Variants in PCDH7 observed in about 807,000 individuals in gnomAD.
PCDH7 encodes the protein protocadherin 7, also known as protocadherin-7.
PCDH7 carries 17 observed loss-of-function variants against 58.9 expected under a neutral mutation model. The observed-to-expected ratio is 0.29, with a 90% confidence interval of 0.20 to 0.43. The LOEUF (loss-of-function observed/expected upper bound fraction) is 0.43, where lower values mean the gene tolerates loss of function less well. Ranked by LOEUF, PCDH7 falls within the 20% of genes least tolerant of loss-of-function variation. The probability of loss-of-function intolerance (pLI) is 1.00; values close to 1 mark genes in which losing one functional copy is unlikely to be tolerated. For missense variants in PCDH7, 1,274 were observed against 1,441.0 expected (o/e 0.88, Z 1.88); for synonymous variants, 664 against 616.4 (o/e 1.08, Z -1.14).
intron 1 of PCDH7, chr4:30,730,628 G>A (rs1256671692): frequency 6.5e-6 from 4 of 615,596 alleles, no homozygotes; most frequent in Non-Finnish European, 1.1e-5. Context: ...ACACAAAGTT[G>A]GCATTAAAAT....
At chr4:31,127,168 A>G (rs1288230936) in intron 3 of PCDH7, among the ~76,000 whole-genome samples, 1 of 152,152 alleles carries the variant, frequency 6.6e-6, no homozygotes, top group Admixed American at 6.6e-5. Flanking sequence ...TGCTAGTCTC[A>G]CTCACTGTAC....
At chr4:31,004,300 A>G (rs1045557046) in intron 3 of PCDH7, among the ~76,000 whole-genome samples, 5 of 152,204 alleles carry the variant, frequency 3.3e-5, no homozygotes, top group African/African-American at 1.2e-4. Context: ...AAAAAAAGTC[A>G]CAGGAAGAAG....
At chr4:31,126,716 A>G (rs1170365637) in intron 3 of PCDH7, among the ~76,000 whole-genome samples, 2 of 152,228 alleles carry the variant, frequency 1.3e-5, no homozygotes, top group African/African-American at 4.8e-5. Flanking sequence ...AGTTTTGTCC[A>G]TCTGATGATT....
intron 3 of PCDH7, among the ~76,000 whole-genome samples, chr4:30,981,375 C>A (rs758368709): frequency 1.2e-4 from 18 of 152,088 alleles, no homozygotes; most frequent in Non-Finnish European, 2.2e-4. Flanking sequence ...TTGTTGGGAA[C>A]CATATTTCAT....
intron 1 of PCDH7, among the ~76,000 whole-genome samples, chr4:30,810,685 C>T (rs1376726446): frequency 6.6e-6 from 1 of 150,376 alleles, no homozygotes; most frequent in Non-Finnish European, 1.5e-5. Flanking sequence ...AATCTCTGCT[C>T]ACTGCAACCT....
intron 3 of PCDH7, 56 bp from the exon 3 acceptor site, chr4:31,142,417 A>G: frequency 2.3e-6 from 3 of 1,291,698 alleles, no homozygotes; most frequent in Non-Finnish European, 3.1e-6. Context: ...CATATAGATC[A>G]GGGGAGCCTG....
chr4:30,863,252 A>G (rs1734444016), intron 1 of PCDH7, among the ~76,000 whole-genome samples: 1 of 152,066 alleles, frequency 6.6e-6, no homozygotes, highest in Non-Finnish European at 1.5e-5. Context: ...CTGATTATGC[A>G]GTTAGCTATT....
intron 2 of PCDH7, among the ~76,000 whole-genome samples, chr4:30,920,931 G>A (rs556085571): frequency 2.0e-5 from 3 of 151,652 alleles, no homozygotes; most frequent in Non-Finnish European, 2.9e-5. Context: ...TCCTATTCAA[G>A]TATAAGGTTT....
At position 30,721,274 on chromosome 4, in the gene PCDH7, G is replaced by T; in HGVS notation, c.-149G>T. On this transcript the variant is annotated 5_prime_UTR_variant, in exon 1 of 2. Transcript: ENST00000361762. This position sits in a 1 kb window ranked among gnomAD's most constrained non-coding sequence, Gnocchi z 6.7. ...CCATTCCCGGCCAACTCTCCACGCCGCTTTTGCCCCCTCCCTCCCCTCCCT... is the reference window on the plus strand; with the variant it reads ...CCATTCCCGGCCAACTCTCCACGCCTCTTTTGCCCCCTCCCTCCCCTCCCT... The T allele has an allele frequency of 1.4e-6, 1 of 720,406 alleles. No individual in the cohort carries two copies. Among genetic ancestry groups the T allele is most frequent in the Non-Finnish European group, 2.2e-6 (1 of 465,080 alleles). The allele number at this position is 720,406 out of a possible 1,614,324, so 44.6% of individuals were successfully genotyped here. A position where few individuals can be genotyped will look rare whatever the true frequency, so the allele number is the denominator to read the frequency against.
intron 1 of PCDH7, among the ~76,000 whole-genome samples, chr4:30,808,258 C>A (rs903228731): frequency 6.6e-6 from 1 of 152,244 alleles, no homozygotes; most frequent in Admixed American, 6.5e-5. Flanking sequence ...ACTTTCCTAG[C>A]CTAAAATATT....
intron 1 of PCDH7, among the ~76,000 whole-genome samples, chr4:30,804,001 G>A (rs1725863008): frequency 6.6e-6 from 1 of 152,090 alleles, no homozygotes; most frequent in East Asian, 1.9e-4. Flanking sequence ...TTTTATAAGG[G>A]TTCTGATCCT....
chr4:30,961,962 A>G (rs1214600008), intron 3 of PCDH7, among the ~76,000 whole-genome samples: 1 of 151,992 alleles, frequency 6.6e-6, no homozygotes, highest in Non-Finnish European at 1.5e-5. Context: ...AATCTCTCCC[A>G]CTCATCTCTT....
chr4:30,846,638 T>C (rs975785456), intron 1 of PCDH7, among the ~76,000 whole-genome samples: 2 of 152,174 alleles, frequency 1.3e-5, no homozygotes, highest in African/African-American at 4.8e-5. Context: ...GTTCCAATAG[T>C]GCCACCCAAG....
At chr4:30,892,372 TTCTCTAA>T (rs1738733588) in intron 1 of PCDH7, among the ~76,000 whole-genome samples, 1 of 152,020 alleles carries the variant, frequency 6.6e-6, no homozygotes, top group South Asian at 2.1e-4. Context: ...GAGAGATGGA[TTCTCTAA>T]ACTGAATATT....
intron 3 of PCDH7, among the ~76,000 whole-genome samples, chr4:30,951,417 T>C (rs752974197): frequency 1.5e-4 from 23 of 152,144 alleles, no homozygotes; most frequent in Non-Finnish European, 2.6e-4. Flanking sequence ...TCATTGAGTA[T>C]CTTTCATGAT....
chr4:31,020,022 G>A (rs1411609191), intron 3 of PCDH7, among the ~76,000 whole-genome samples: 2 of 152,084 alleles, frequency 1.3e-5, no homozygotes, highest in African/African-American at 4.8e-5. Flanking sequence ...AGAAATAACC[G>A]TGGCCTGGTA....
intron 3 of PCDH7, among the ~76,000 whole-genome samples, chr4:31,036,928 C>T (rs1346057270): frequency 6.6e-6 from 1 of 152,104 alleles, no homozygotes; most frequent in Non-Finnish European, 1.5e-5. Context: ...GGAAACTCCC[C>T]TTTATAAAAC....
chr4:31,059,121 C>T (rs1160504857), intron 3 of PCDH7, among the ~76,000 whole-genome samples: 2 of 151,680 alleles, frequency 1.3e-5, no homozygotes, highest in East Asian at 3.9e-4. Flanking sequence ...GACTTCATAC[C>T]ATTATGTCTT....
Position 30,721,416 on chromosome 4 carries a change from G to C in PCDH7, c.-7G>C. 1 of 1,492,066 alleles carries C rather than the reference G, an allele frequency of 6.7e-7. No individual in the cohort carries two copies. Among genetic ancestry groups the C allele is most frequent in the South Asian group, 1.3e-5 (1 of 74,836 alleles). The allele number at this position is 1,492,066 out of a possible 1,614,324, so 92.4% of individuals were successfully genotyped here. ...AGAAGGAGCAGTAGCAGCAGCAGCA[G>C]GAGAAGATGCTGAGGATGCGGACCG... On this transcript the variant is annotated 5_prime_UTR_variant, in exon 1 of 2. Transcript: ENST00000361762. The surrounding 1 kb of genome is among the most constrained non-coding windows in gnomAD (Gnocchi z 6.7).
Sources: gnomAD v4.1 joint callset for allele counts (sites outside exome capture counted in the v4.1 genomes callset) on GRCh38, gnomAD v4.1.1 for gene constraint, Gnocchi (gnomAD v3.1) non-coding constraint, MANE v1.5 for transcripts, NCBI Gene and HGNC (gene_info 2026-07-23, HGNC 2026-07-21) for gene names.